NUP214: variants seen among roughly 807,000 people sequenced by gnomAD.
NUP214 encodes the protein nucleoporin 214.
Under a neutral mutation model 196.2 loss-of-function variants are expected in NUP214, and 79 were observed. The ratio of observed to expected loss-of-function variants is 0.40; its 90% CI spans 0.34 to 0.49. NUP214 has a LOEUF of 0.49. Ranked by LOEUF, NUP214 falls within the 20% of genes least tolerant of loss-of-function variation. NUP214 has a pLI of 0.58. For synonymous variants in NUP214, 1,020 were observed against 990.5 expected (o/e 1.03, Z -0.56); for missense variants, 2,468 against 2,539.0 (o/e 0.97, Z 0.60).
At chr9:131,213,676 T>C (rs1473237652) in intron 30 of NUP214, among the ~76,000 whole-genome samples, 1 of 152,186 alleles carries the variant, frequency 6.6e-6, no homozygotes, top group African/African-American at 2.4e-5. Context: ...TCAGGGCCAA[T>C]GCTGTTAGGA....
chr9:131,149,591 C>G (rs1263702399), intron 14 of NUP214, among the ~76,000 whole-genome samples: 1 of 151,932 alleles, frequency 6.6e-6, no homozygotes, highest in Non-Finnish European at 1.5e-5. Flanking sequence ...CAAGCTGTTG[C>G]ACCTCTCACC....
Position 131,127,595 on chromosome 9 carries a change from G to A in NUP214, c.117G>A (p.Ser39=), listed in dbSNP as rs147225633. 8 of 1,614,020 alleles carry A rather than the reference G, an allele frequency of 5.0e-6. No individual in the cohort carries two copies. Among genetic ancestry groups the A allele is most frequent in the Middle Eastern group, 1.6e-4 (1 of 6,084 alleles). Residue 39 remains serine, a synonymous_variant, in exon 2 of 36, where the codon TCG becomes TCA. Coordinates refer to ENST00000359428, the MANE Select transcript of NUP214 (RefSeq NM_005085.4). ...DSPEELPKER[S]SLLAVSNKYG... is the part of the protein sequence containing the mutation. Reference sequence around the variant, plus strand: ...CTGAGGAATTGCCCAAGGAACGCTCGAGTCTGCTTGCTGTGTCCAACAAAT... The same window carrying A: ...CTGAGGAATTGCCCAAGGAACGCTCAAGTCTGCTTGCTGTGTCCAACAAAT...
chr9:131,138,561 A>T (rs760822326), intron 9 of NUP214, among the ~76,000 whole-genome samples: 1 of 152,160 alleles, frequency 6.6e-6, no homozygotes, highest in Non-Finnish European at 1.5e-5. Flanking sequence ...CCTGTGATTC[A>T]TGCTTCCCAG....
intron 11 of NUP214, 38 bp downstream of exon 11, chr9:131,140,748 C>T (rs551029427): frequency 1.3e-6 from 2 of 1,575,964 alleles, no homozygotes; most frequent in East Asian, 4.5e-5. Flanking sequence ...AAGGGAATAC[C>T]ATGGGCTTGC....
chr9:131,172,242 C>T (rs1832979771), intron 21 of NUP214, among the ~76,000 whole-genome samples: 1 of 151,856 alleles, frequency 6.6e-6, no homozygotes, highest in Non-Finnish European at 1.5e-5. Context: ...TAATGATTGC[C>T]ATTCTAACTG....
At chr9:131,128,078 T>C (rs1238089949) in intron 2 of NUP214, among the ~76,000 whole-genome samples, 2 of 152,232 alleles carry the variant, frequency 1.3e-5, no homozygotes, top group Non-Finnish European at 2.9e-5. Flanking sequence ...ATTTAGAGCA[T>C]TGTTGCAAAA....
chr9:131,197,823 C>A lies in NUP214; in HGVS notation c.4329C>A (p.Ser1443Arg). The A allele has an allele frequency of 6.2e-7, 1 of 1,613,614 alleles. No homozygotes were observed. The highest frequency in any genetic ancestry group is 1.1e-5 in the South Asian group (1 of 91,086). The change falls in exon 29 of 36, where the codon AGC becomes AGA. Residue 1443 changes from serine to arginine, a missense_variant. By Grantham distance (110) the Ser-to-Arg change is moderately radical (BLOSUM62 -1). This residue lies in a region of NUP214 where 1,801 missense variants were observed against 1,779.4 expected (regional missense o/e 1.01). Coordinates refer to ENST00000359428, the MANE Select transcript of NUP214 (RefSeq NM_005085.4). ...GCAAGACTAGTTTTTCATTTGGAAG[C>A]CAACAGACCAATAGCACAGTGCCCC... ...SAGKTSFSFG[S>R]QQTNSTVPPS...
Position 131,133,188 on chromosome 9 carries a change from T to TGTG in NUP214, c.814_816dup (p.Val272dup), listed in dbSNP as rs1483196360. 1 of 1,588,508 alleles carries TGTG rather than the reference T, an allele frequency of 6.3e-7. No individual in the cohort carries two copies. The highest frequency in any genetic ancestry group is 8.5e-7 in the Non-Finnish European group (1 of 1,171,128). On this transcript the variant is annotated inframe_insertion, in exon 7 of 36. Coordinates refer to ENST00000359428, the MANE Select transcript of NUP214 (RefSeq NM_005085.4). ...ATGGGACCCTGGAAACGTCTCCAGA[T>TGTG]GTGGTGATGGCTCTACTACCGGTAT...
At chr9:131,195,071 T>C (rs1833735654) in intron 27 of NUP214, among the ~76,000 whole-genome samples, 162 bp from the exon 28 acceptor site, 1 of 152,252 alleles carries the variant, frequency 6.6e-6, no homozygotes, top group African/African-American at 2.4e-5. Context: ...TAGAGTGGCC[T>C]TACTGCTTCT....
intron 32 of NUP214, among the ~76,000 whole-genome samples, chr9:131,223,737 T>TTTTTTTA (rs1834643739): frequency 1.3e-4 from 5 of 37,546 alleles, no homozygotes; most frequent in African/African-American, 3.7e-4. Context: ...ATTTTTTTTT[T>TTTTTTTA]TTTTTTTTTT....
chr9:131,198,017 G>T lies in NUP214; in HGVS notation c.4523G>T (p.Ser1508Ile). 6.2e-7 allele frequency: 1 copy of T among 1,614,210 alleles called. No individual in the cohort carries two copies. The highest frequency in any genetic ancestry group is 8.5e-7 in the Non-Finnish European group (1 of 1,180,030). ...GCTTTGCCTGAGAAGCCAGGTGACAGTGAGGTCTCAGCATCAGCAGCCTCA... is the reference window on the plus strand; with the variant it reads ...GCTTTGCCTGAGAAGCCAGGTGACATTGAGGTCTCAGCATCAGCAGCCTCA... Reference protein sequence around the residue: ...SSALPEKPGDSEVSASAASLL... With the variant: ...SSALPEKPGDIEVSASAASLL... The change falls in exon 29 of 36, where the codon AGT becomes ATT. Residue 1508 changes from serine (S) to isoleucine (I), a missense_variant. By Grantham distance (142) the Ser-to-Ile change is moderately radical (BLOSUM62 -2). Around this residue, in one of 5 missense-constraint regions of NUP214, gnomAD observed 1,801 missense variants for 1,779.4 expected, o/e 1.01. Coordinates refer to ENST00000359428, the MANE Select transcript of NUP214 (RefSeq NM_005085.4).
Position 131,234,348 on chromosome 9 carries a change from C to T in NUP214, c.*861C>T. On this transcript the variant is annotated 3_prime_UTR_variant, in exon 36 of 36. Coordinates refer to ENST00000359428, the MANE Select transcript of NUP214 (RefSeq NM_005085.4). ...CACTGCTGTTGCCAGACAACACTAGCAGAACGATGCTGGATTTGACAACAG... is the reference window on the plus strand; with the variant it reads ...CACTGCTGTTGCCAGACAACACTAGTAGAACGATGCTGGATTTGACAACAG... 1 of 233,008 alleles carries T rather than the reference C, an allele frequency of 4.3e-6. No homozygotes were observed. Among genetic ancestry groups the T allele is most frequent in the Non-Finnish European group, 8.5e-6 (1 of 117,884 alleles). 14.4% of individuals were successfully genotyped at this position (233,008 alleles called of 1,614,324 possible). A position where few individuals can be genotyped will look rare whatever the true frequency, so the allele number is the denominator to read the frequency against.
intron 19 of NUP214, 76 bp downstream of exon 19, chr9:131,163,249 G>T: frequency 6.9e-7 from 1 of 1,440,124 alleles, no homozygotes; most frequent in Admixed American, 2.3e-5. Context: ...GAGTGGTTCA[G>T]ATATGGGTTT....
Position 131,192,169 on chromosome 9 carries a change from CTTTTTTT to C in NUP214, c.3575-19_3575-13del, listed in dbSNP as rs66652901. On this transcript the variant is annotated intron_variant, in intron 26 of 35. Coordinates refer to ENST00000359428, the MANE Select transcript of NUP214 (RefSeq NM_005085.4). ...AGTGTTTCTGTCTTTTTGTAATATTCTTTTTTTTTTTTTTTTTTTTTTTTTTCCATAA... is the reference window on the plus strand; with the variant it reads ...AGTGTTTCTGTCTTTTTGTAATATTCTTTTTTTTTTTTTTTTTTTCCATAA... The C allele has an allele frequency of 3.1e-3, 1,366 of 447,376 alleles. 18 individuals are homozygous for C. In the African/African-American group the frequency reaches 0.042, roughly 14 times the overall value. 27.7% of individuals were successfully genotyped at this position (447,376 alleles called of 1,614,324 possible).
chr9:131,191,788 T>C (rs1268671181), intron 26 of NUP214: 1 of 152,934 alleles, frequency 6.5e-6, no homozygotes, highest in African/African-American at 2.4e-5. Flanking sequence ...TCAGCATAGA[T>C]TAATTTCAAA....
Position 131,146,072 on chromosome 9 carries a change from A to G in NUP214, c.1770-57A>G, listed in dbSNP as rs928556936. On this transcript the variant is annotated intron_variant, in intron 12 of 35. Transcript: ENST00000359428. The surrounding 1 kb of genome is among the most constrained non-coding windows in gnomAD (Gnocchi z 4.6). ...ATCTTTTGATGACATTGCTCATGCT[A>G]GTGTAAAAGAATCTTCTAGCAGGCT... The G allele has an allele frequency of 6.9e-7, 1 of 1,447,204 alleles. No homozygotes were observed. The highest frequency in any genetic ancestry group is 9.7e-7 in the Non-Finnish European group (1 of 1,032,202). The allele number at this position is 1,447,204 out of a possible 1,614,324, so 89.6% of individuals were successfully genotyped here.
In NUP214 at chr9:131,222,845, A is replaced by C; in HGVS notation, c.5817A>C (p.Gly1939=). Residue 1939 remains glycine (G), a synonymous_variant, in exon 32 of 36, where the codon GGA becomes GGC. Transcript: ENST00000359428. ...TFGGFASSSF[G]EQKPTGTFSS... Reference sequence around the variant, plus strand: ...GTGGATTTGCCAGCTCGTCGTTTGGAGAGCAGAAACCCACTGGCACTTTCA... The same window carrying C: ...GTGGATTTGCCAGCTCGTCGTTTGGCGAGCAGAAACCCACTGGCACTTTCA... 6.2e-7 allele frequency: 1 copy of C among 1,614,204 alleles called. No homozygotes were observed. The highest frequency in any genetic ancestry group is 8.5e-7 in the Non-Finnish European group (1 of 1,180,034).
chr9:131,144,762 A>G lies in NUP214; in HGVS notation c.1769+8A>G, dbSNP rs1564183505. 1.9e-6 allele frequency: 3 copies of G among 1,561,170 alleles called. No homozygotes were observed. Among genetic ancestry groups the G allele is most frequent in the African/African-American group, 1.4e-5 (1 of 73,298 alleles). On this transcript the variant is annotated splice_region_variant and intron_variant, in intron 12 of 35. Coordinates refer to ENST00000359428, the MANE Select transcript of NUP214 (RefSeq NM_005085.4). ...AGTCAACCTTAGTGAAAAGTAAGTC[A>G]CTTCTAAAGTTTGATTCTTCTGTGA...
In NUP214 at chr9:131,175,689, G is replaced by A; in HGVS notation, c.3319+68G>A. The A allele has an allele frequency of 2.0e-6, 3 of 1,537,104 alleles. No homozygotes were observed. The South Asian group carries it at 3.7e-5, about 19-fold the overall frequency. ...GCTGTCTGAGTCACAGGCCAGGACA[G>A]CAGGTGGCAAGAAACAGTGGGCGCT... On this transcript the variant is annotated intron_variant, in intron 23 of 35. Coordinates refer to ENST00000359428, the MANE Select transcript of NUP214 (RefSeq NM_005085.4).
Sources: gnomAD v4.1 joint callset for allele counts (sites outside exome capture counted in the v4.1 genomes callset) on GRCh38, gnomAD v4.1.1 for gene constraint, gnomAD v4.1.1 regional missense constraint, Gnocchi (gnomAD v3.1) non-coding constraint, MANE v1.5 for transcripts, NCBI Gene and HGNC (gene_info 2026-07-23, HGNC 2026-07-21) for gene names.